CNTNAP2: variants seen among roughly 807,000 people sequenced by gnomAD.
CNTNAP2 encodes the protein contactin associated protein 2, also known as contactin-associated protein-like 2.
Under a neutral mutation model 155.2 loss-of-function variants are expected in CNTNAP2, and 98 were observed. The observed-to-expected ratio is 0.63, with a 90% CI of 0.54 to 0.75. CNTNAP2 has a LOEUF of 0.75. Among genes scored for constraint, CNTNAP2 ranks in the 30% least tolerant of loss-of-function variants. CNTNAP2 has a pLI of 0.00. For missense variants in CNTNAP2, 1,727 were observed against 1,688.1 expected, an observed-to-expected ratio of 1.02 and a Z score of -0.40; for synonymous variants, 651 against 631.2, an observed-to-expected ratio of 1.03 and a Z score of -0.47.
chr7:147,091,514 C>T (rs533133881), intron 4 of CNTNAP2, among the ~76,000 whole-genome samples: 22 of 152,170 alleles, frequency 1.4e-4, no homozygotes, highest in South Asian at 2.1e-4. Flanking sequence ...TGCAGTGGCA[C>T]GATCTCGGCT....
rs550791656 is a variant in CNTNAP2, at chr7:147,967,766, C to T, written c.2256-10096C>T. ...TGGCCCAGATAAACTAACCAACTTA[C>T]TTTTACATAGAGACAGAGCCAAGGT... On this transcript the variant is annotated intron_variant, in intron 14 of 23. Coordinates refer to ENST00000361727, the MANE Select transcript of CNTNAP2 (RefSeq NM_014141.6). Among the ~76,000 whole-genome samples, 5 of 152,304 alleles carry T rather than the reference C, an allele frequency of 3.3e-5. No homozygotes were observed. In the East Asian group the frequency reaches 7.7e-4, roughly 24 times the overall value.
chr7:148,305,051 T>C (rs1215333565), intron 21 of CNTNAP2, among the ~76,000 whole-genome samples: 2 of 51,060 alleles, frequency 3.9e-5, no homozygotes, highest in Non-Finnish European at 1.1e-4. Flanking sequence ...ATCCTGTCTC[T>C]ACAAAAAAAA....
At chr7:146,638,472 G>GTTTT (rs1554460106) in intron 1 of CNTNAP2, among the ~76,000 whole-genome samples, 26 of 100,042 alleles carry the variant, frequency 2.6e-4, no homozygotes, top group Admixed American at 3.2e-4. Context: ...ACAGTCAGGT[G>GTTTT]TTTCTTTTTT....
At chr7:147,086,616 T>C (rs1017583070) in intron 4 of CNTNAP2, among the ~76,000 whole-genome samples, 3 of 152,004 alleles carry the variant, frequency 2.0e-5, no homozygotes, top group African/African-American at 2.4e-5. Flanking sequence ...TTTAAATTAT[T>C]TCTGTGGAGA....
intron 13 of CNTNAP2, among the ~76,000 whole-genome samples, chr7:147,833,471 G>C (rs761122526): frequency 6.6e-6 from 1 of 152,114 alleles, no homozygotes; most frequent in Non-Finnish European, 1.5e-5. Flanking sequence ...GATCTGATGT[G>C]GGTCACTATG....
chr7:146,321,209 A>C (rs1800995536), intron 1 of CNTNAP2, among the ~76,000 whole-genome samples: 1 of 152,190 alleles, frequency 6.6e-6, no homozygotes, highest in Admixed American at 6.5e-5. Context: ...AAACAAAATA[A>C]AACAAACCCC....
intron 3 of CNTNAP2, among the ~76,000 whole-genome samples, chr7:146,944,746 A>T (rs889047145): frequency 6.6e-6 from 1 of 151,792 alleles, no homozygotes; most frequent in East Asian, 1.9e-4. Context: ...GACGTGGTGG[A>T]GGGCGCCTGT....
intron 1 of CNTNAP2, among the ~76,000 whole-genome samples, chr7:146,647,043 G>A (rs952291026): frequency 6.6e-6 from 1 of 152,172 alleles, no homozygotes; most frequent in African/African-American, 2.4e-5. Flanking sequence ...AGGGACTCCC[G>A]GCCATATGCC....
chr7:146,407,899 T>G (rs802198), intron 1 of CNTNAP2, among the ~76,000 whole-genome samples: 108,787 of 151,992 alleles, frequency 0.72, 40,700 homozygotes, highest in African/African-American at 0.93. Flanking sequence ...TTAATGAATA[T>G]AAAATATTTT....
intron 15 of CNTNAP2, among the ~76,000 whole-genome samples, chr7:147,987,681 T>TTTATG (rs1326931513): frequency 2.0e-5 from 3 of 152,102 alleles, no homozygotes; most frequent in African/African-American, 7.2e-5. Context: ...TTTTATCTAT[T>TTTATG]TTATGTTATT....
chr7:147,042,243 G>T (rs1799273665), intron 3 of CNTNAP2, among the ~76,000 whole-genome samples: 1 of 152,182 alleles, frequency 6.6e-6, no homozygotes, highest in African/African-American at 2.4e-5. Flanking sequence ...AGCACAGCAG[G>T]AATCGTCACA....
At chr7:148,099,702 G>T (rs963974435) in intron 15 of CNTNAP2, among the ~76,000 whole-genome samples, 1 of 151,842 alleles carries the variant, frequency 6.6e-6, no homozygotes, top group Non-Finnish European at 1.5e-5. Flanking sequence ...TCTAACTTCC[G>T]TTTGTATCTC....
intron 13 of CNTNAP2, among the ~76,000 whole-genome samples, chr7:147,884,164 T>C (rs1290547367): frequency 6.6e-6 from 1 of 151,902 alleles, no homozygotes; most frequent in Non-Finnish European, 1.5e-5. Flanking sequence ...AGCCCTAAAG[T>C]GGGAATGTGC....
intron 13 of CNTNAP2, among the ~76,000 whole-genome samples, chr7:147,721,618 C>T (rs1231588916): frequency 2.0e-5 from 3 of 152,030 alleles, no homozygotes; most frequent in African/African-American, 7.2e-5. Context: ...CCATTTCTTC[C>T]AGGAGTTCCC....
chr7:147,724,286 T>C (rs908580662), intron 13 of CNTNAP2, among the ~76,000 whole-genome samples: 3 of 151,994 alleles, frequency 2.0e-5, no homozygotes, highest in Non-Finnish European at 4.4e-5. Flanking sequence ...AATACAGGCT[T>C]TCTTCTCCAA....
intron 18 of CNTNAP2, among the ~76,000 whole-genome samples, chr7:148,197,697 G>T (rs1004215742): frequency 6.6e-6 from 1 of 152,200 alleles, no homozygotes; most frequent in Non-Finnish European, 1.5e-5. Context: ...AAGCATTTCA[G>T]CAATCTTGAC....
Position 148,211,689 on chromosome 7 carries a change from G to T in CNTNAP2, c.3011-5599G>T, listed in dbSNP as rs908145314. ...CCCTGTGGGAGCAGAGTTCCCTGGG[G>T]TTCTTACCTTAAGAATAAACCTGAA... On this transcript the variant is annotated intron_variant, in intron 18 of 23. Transcript: ENST00000361727. 3.3e-5 allele frequency among the ~76,000 whole-genome samples: 5 copies of T among 152,176 alleles called. No individual in the cohort carries two copies. The South Asian group carries it at 1.0e-3, about 32-fold the overall frequency.
At chr7:146,574,070 C>T (rs572219146) in intron 1 of CNTNAP2, among the ~76,000 whole-genome samples, 2 of 152,180 alleles carry the variant, frequency 1.3e-5, no homozygotes, top group East Asian at 3.9e-4. Flanking sequence ...GGAAGAGATA[C>T]CTGTCCTATG....
intron 11 of CNTNAP2, among the ~76,000 whole-genome samples, chr7:147,504,197 C>T (rs968943471): frequency 5.9e-5 from 9 of 152,070 alleles, no homozygotes; most frequent in Non-Finnish European, 1.2e-4. Flanking sequence ...TAGAGAAGCC[C>T]TGTCCTGTAG....
Sources: allele counts gnomAD v4.1 joint callset (sites outside exome capture counted in the v4.1 genomes callset), GRCh38; gene constraint gnomAD v4.1.1; transcripts MANE v1.5; gene names NCBI Gene and HGNC (gene_info 2026-07-23, HGNC 2026-07-21).